RBFOX1: variants seen among roughly 807,000 people sequenced by gnomAD.
RBFOX1 encodes RNA binding fox-1 homolog 1, also known as RNA binding protein fox-1 homolog 1.
Under a neutral mutation model 57.7 loss-of-function variants are expected in RBFOX1, and 8 were observed. The observed-to-expected ratio is 0.14, with a 90% CI of 0.08 to 0.25. The LOEUF (loss-of-function observed/expected upper bound fraction) is 0.25. Among genes scored for constraint, RBFOX1 ranks in the 10% least tolerant of loss-of-function variants. The pLI, the probability that RBFOX1 is intolerant of heterozygous loss-of-function variation, is 1.00. For missense variants in RBFOX1, 611 were observed against 548.5 expected, an observed-to-expected ratio of 1.11 and a Z score of -1.14; for synonymous variants, 326 against 222.4, an observed-to-expected ratio of 1.47 and a Z score of -4.15.
intron 3 of RBFOX1, among the ~76,000 whole-genome samples, chr16:6,890,679 C>T (rs1373941593): frequency 6.6e-6 from 1 of 152,182 alleles, no homozygotes; most frequent in Non-Finnish European, 1.5e-5. Flanking sequence ...TCTTGTCTGT[C>T]CCCAGTTTCC....
intron 3 of RBFOX1, among the ~76,000 whole-genome samples, chr16:5,739,007 G>A (rs540916082): frequency 5.3e-5 from 8 of 152,274 alleles, no homozygotes; most frequent in African/African-American, 1.9e-4. Flanking sequence ...CCTCCACAAG[G>A]CCTTGCCTGA....
intron 4 of RBFOX1, among the ~76,000 whole-genome samples, chr16:7,296,350 G>A (rs1348552598): frequency 6.7e-6 from 1 of 149,304 alleles, no homozygotes; most frequent in East Asian, 2.0e-4. Flanking sequence ...GTTTATGTGT[G>A]TATGTATGAA....
chr16:6,643,009 A>G (rs1358085604), intron 2 of RBFOX1, among the ~76,000 whole-genome samples: 6 of 152,320 alleles, frequency 3.9e-5, no homozygotes, highest in South Asian at 4.1e-4. Context: ...GGTTGAAACC[A>G]TAGACTTTTC....
intron 4 of RBFOX1, among the ~76,000 whole-genome samples, chr16:7,236,305 T>C (rs538986198): frequency 1.3e-5 from 2 of 152,222 alleles, no homozygotes; most frequent in African/African-American, 4.8e-5. Flanking sequence ...CCATATTGTT[T>C]CAGCTCAAGT....
intron 14 of RBFOX1, among the ~76,000 whole-genome samples, chr16:7,695,089 T>G (rs943814228): frequency 1.3e-5 from 2 of 152,192 alleles, no homozygotes; most frequent in Non-Finnish European, 2.9e-5. Context: ...ATCTACCTAA[T>G]CTAGATGGCT....
At chr16:5,823,327 TG>T (rs535926991) in intron 3 of RBFOX1, among the ~76,000 whole-genome samples, 189 of 152,300 alleles carry the variant, frequency 1.2e-3, no homozygotes, top group Non-Finnish European at 1.8e-3. Context: ...GAATACCAGA[TG>T]GCAAGTACAT....
chr16:7,608,519 GA>G (rs967220650), intron 10 of RBFOX1, among the ~76,000 whole-genome samples: 2 of 152,202 alleles, frequency 1.3e-5, no homozygotes, highest in Non-Finnish European at 2.9e-5. Flanking sequence ...TCTTGTGGGG[GA>G]AGAGACTTAG....
At chr16:6,928,565 A>G (rs377309141) in intron 3 of RBFOX1, among the ~76,000 whole-genome samples, 2 of 152,076 alleles carry the variant, frequency 1.3e-5, no homozygotes, top group East Asian at 3.9e-4. Flanking sequence ...GGCCCAAGGA[A>G]ATTATAAATT....
chr16:7,589,690 G>A (rs527610856), intron 7 of RBFOX1, among the ~76,000 whole-genome samples: 1 of 151,808 alleles, frequency 6.6e-6, no homozygotes, highest in East Asian at 1.9e-4. Context: ...TTTCATAGTT[G>A]ACATTATCCT....
chr16:5,366,507 T>C, intron 1 of RBFOX1: 1 of 429,298 alleles, frequency 2.3e-6, no homozygotes, highest in Non-Finnish European at 4.5e-6. Context: ...AGGAAAAAAC[T>C]GCTAAAACAC....
intron 3 of RBFOX1, among the ~76,000 whole-genome samples, chr16:6,756,510 T>C (rs1238402655): frequency 6.6e-6 from 1 of 152,010 alleles, no homozygotes; most frequent in Admixed American, 6.6e-5. Context: ...AAGGAAACAA[T>C]GAATGCAGCA....
chr16:7,584,993 C>T (rs546664926), intron 6 of RBFOX1, among the ~76,000 whole-genome samples: 2 of 152,302 alleles, frequency 1.3e-5, no homozygotes, highest in East Asian at 3.9e-4. Context: ...TCAATCAGAT[C>T]TTATTTTAAA....
chr16:7,363,884 G>C (rs1013172555), intron 4 of RBFOX1, among the ~76,000 whole-genome samples: 1 of 152,092 alleles, frequency 6.6e-6, no homozygotes, highest in African/African-American at 2.4e-5. Flanking sequence ...AGCACATGTT[G>C]GCTTCTGGGC....
At chr16:5,881,365 A>G (rs1311133032) in intron 4 of RBFOX1, among the ~76,000 whole-genome samples, 2 of 152,254 alleles carry the variant, frequency 1.3e-5, no homozygotes, top group East Asian at 1.9e-4. Flanking sequence ...TTCTTTTCCA[A>G]TACAGCACAT....
At chr16:7,647,244 G>T (rs1468777066) in intron 11 of RBFOX1, among the ~76,000 whole-genome samples, 1 of 152,180 alleles carries the variant, frequency 6.6e-6, no homozygotes, top group East Asian at 1.9e-4. Flanking sequence ...AAATTCTCAT[G>T]TGTCAACAAG....
chr16:7,236,238 G>C (rs1197817056), intron 4 of RBFOX1, among the ~76,000 whole-genome samples: 1 of 152,078 alleles, frequency 6.6e-6, no homozygotes, highest in Non-Finnish European at 1.5e-5. Flanking sequence ...ATCTGTAAAG[G>C]GAAGCCCAAG....
intron 4 of RBFOX1, among the ~76,000 whole-genome samples, chr16:7,275,389 C>A (rs1383391738): frequency 6.6e-6 from 1 of 152,214 alleles, no homozygotes; most frequent in African/African-American, 2.4e-5. Context: ...TCTGATACTT[C>A]ATCATTCATT....
chr16:7,321,484 T>C (rs1220946659), intron 4 of RBFOX1, among the ~76,000 whole-genome samples: 1 of 151,998 alleles, frequency 6.6e-6, no homozygotes, highest in African/African-American at 2.4e-5. Flanking sequence ...AAACATGAAA[T>C]ACGTGGAAAG....
At chr16:7,244,220 C>G (rs1400629896) in intron 4 of RBFOX1, among the ~76,000 whole-genome samples, 1 of 130,360 alleles carries the variant, frequency 7.7e-6, no homozygotes, top group Non-Finnish European at 1.6e-5. Flanking sequence ...TCTTCAGAGT[C>G]TGTTCTAGGA....
Sources: gnomAD v4.1 joint callset for allele counts (sites outside exome capture counted in the v4.1 genomes callset) on GRCh38, gnomAD v4.1.1 for gene constraint, MANE v1.5 for transcripts, NCBI Gene and HGNC (gene_info 2026-07-23, HGNC 2026-07-21) for gene names.